The following CACNA1A variants were observed in gnomAD, a reference collection of about 807,000 sequenced individuals.
CACNA1A encodes voltage-dependent P/Q-type calcium channel subunit alpha-1A.
CACNA1A carries 57 observed loss-of-function variants against 262.4 expected under a neutral mutation model. The observed-to-expected ratio is 0.22, with a 90% CI of 0.18 to 0.27. The LOEUF is 0.27. Ranked by LOEUF, CACNA1A falls within the 10% of genes least tolerant of loss-of-function variation. The pLI is 1.00. For missense variants in CACNA1A, 2,526 were observed against 3,562.8 expected, an observed-to-expected ratio of 0.71 and a Z score of 7.41; for synonymous variants, 1,431 against 1,419.3, an observed-to-expected ratio of 1.01 and a Z score of -0.18.
Position 13,506,193 on chromosome 19 carries a change from C to A in CACNA1A, c.32G>T (p.Arg11Leu). The change falls in exon 1 of 47, where the codon CGC becomes CTC. Residue 11 changes from arginine to leucine, a missense_variant. Around this residue, in one of 17 missense-constraint regions of CACNA1A, gnomAD observed 65 missense variants for 75.6 expected, o/e 0.86. Transcript: ENST00000360228. ...TGCCCCGGAGCCTCCTCCCCCGTAG[C>A]GGGCCGGCATCTCGTCTCCGAAGCG... MARFGDEMPA[R>L]YGGGGSGAAA... The A allele has an allele frequency of 1.3e-6, 2 of 1,501,582 alleles. No individual in the cohort carries two copies. Among genetic ancestry groups the A allele is most frequent in the African/African-American group, 1.4e-5 (1 of 71,590 alleles). 93.0% of individuals were successfully genotyped at this position (1,501,582 alleles called of 1,614,324 possible).
At chr19:13,334,740 A>C (rs1400222046) in intron 7 of CACNA1A, among the ~76,000 whole-genome samples, 3 of 152,088 alleles carry the variant, frequency 2.0e-5, no homozygotes, top group East Asian at 3.8e-4. Flanking sequence ...AACTGTGCCT[A>C]GGTAAAGAAA....
chr19:13,221,284 A>G (rs1600107774), intron 38 of CACNA1A, among the ~76,000 whole-genome samples: 2 of 70,628 alleles, frequency 2.8e-5, no homozygotes, highest in Admixed American at 1.9e-4. Context: ...CCCAGGCTGG[A>G]GTGCAATGGT....
chr19:13,465,938 A>AC (rs1166566647), intron 1 of CACNA1A, among the ~76,000 whole-genome samples: 10 of 152,178 alleles, frequency 6.6e-5, no homozygotes, highest in African/African-American at 2.4e-4. Context: ...CCTGTTGACT[A>AC]CCTAGAATAG....
intron 3 of CACNA1A, among the ~76,000 whole-genome samples, chr19:13,395,651 C>T (rs947616580): frequency 2.6e-5 from 4 of 151,576 alleles, no homozygotes; most frequent in Non-Finnish European, 4.4e-5. Flanking sequence ...ATCTAACTTA[C>T]GTTATTTGAC....
chr19:13,453,032 G>T lies in CACNA1A; in HGVS notation c.400-17C>A, dbSNP rs951376880. 2.5e-6 allele frequency: 4 copies of T among 1,613,722 alleles called. No homozygotes were observed. Among genetic ancestry groups the T allele is most frequent in the Non-Finnish European group, 3.4e-6 (4 of 1,179,728 alleles). ...TGTGTCATCCTGGAAGGGAGAGAAG[G>T]CAAGGTCAGCGTCTTGGGCTGGGCA... is the stretch of plus-strand genomic sequence containing the variant. On this transcript the variant is annotated splice_polypyrimidine_tract_variant and intron_variant, in intron 2 of 46. Coordinates refer to ENST00000360228, the MANE Select transcript of CACNA1A (RefSeq NM_001127222.2).
Position 13,317,987 on chromosome 19 carries a change from GA to G in CACNA1A, c.1346-667del, listed in dbSNP as rs140756143. Among the ~76,000 whole-genome samples the G allele has an allele frequency of 5.0e-3, 763 of 151,564 alleles. 9 individuals are homozygous for G. The highest frequency in any genetic ancestry group is 0.017 in the African/African-American group (706 of 41,392). ...GGATGGAAAATGAAAAGTGCTATGG[GA>G]AAAAAAAAGTTGGGATGGGTGCAGT... On this transcript the variant is annotated intron_variant, in intron 10 of 46. Transcript: ENST00000360228.
chr19:13,397,301 A>C (rs1026824424), intron 3 of CACNA1A, among the ~76,000 whole-genome samples: 1 of 152,138 alleles, frequency 6.6e-6, no homozygotes, highest in African/African-American at 2.4e-5. Flanking sequence ...GGGGAGAGAC[A>C]TTCTTCCAGA....
intron 3 of CACNA1A, among the ~76,000 whole-genome samples, chr19:13,386,386 T>TC (rs1026265210): frequency 2.0e-5 from 3 of 152,122 alleles, no homozygotes; most frequent in Non-Finnish European, 4.4e-5. Context: ...AAGGATTTTT[T>TC]CCCCGTGAGA....
intron 3 of CACNA1A, among the ~76,000 whole-genome samples, chr19:13,406,741 G>A (rs1228734096): frequency 2.0e-5 from 3 of 151,118 alleles, no homozygotes; most frequent in Non-Finnish European, 4.4e-5. Context: ...CCTGTATTCT[G>A]GGCCATCACC....
Position 13,299,095 on chromosome 19 carries a change from G to C in CACNA1A, c.2538C>G (p.Asp846Glu), listed in dbSNP as rs2057735211. The C allele has an allele frequency of 1.9e-6, 3 of 1,611,628 alleles. No individual in the cohort carries two copies. In the South Asian group the frequency reaches 3.3e-5, roughly 18 times the overall value. The change falls in exon 19 of 47, where the codon GAC becomes GAG. Residue 846 changes from aspartate to glutamate, a missense_variant. By Grantham distance (45) the Asp-to-Glu change is conservative. Transcript: ENST00000360228. ...CGGCGCGCTGCTGGCCGAGGCGCTGGTCCACGGTGGGCTCGGCCGCCCGGC... is the reference window on the plus strand; with the variant it reads ...CGGCGCGCTGCTGGCCGAGGCGCTGCTCCACGGTGGGCTCGGCCGCCCGGC... ...NKSRAAEPTV[D>E]QRLGQQRAED...
chr19:13,250,723 A>T (rs1009167138), intron 30 of CACNA1A, among the ~76,000 whole-genome samples: 10 of 152,172 alleles, frequency 6.6e-5, no homozygotes, highest in Admixed American at 3.9e-4. Context: ...TGTGCTATGA[A>T]CCTTGGCCAT....
intron 24 of CACNA1A, among the ~76,000 whole-genome samples, chr19:13,268,717 A>C (rs2056934256): frequency 6.6e-6 from 1 of 152,062 alleles, no homozygotes; most frequent in African/African-American, 2.4e-5. Flanking sequence ...TACAGGTGTG[A>C]GCCACCGCGC....
chr19:13,368,117 C>G (rs1311338281), intron 4 of CACNA1A, among the ~76,000 whole-genome samples: 2 of 151,758 alleles, frequency 1.3e-5, no homozygotes, highest in Non-Finnish European at 2.9e-5. Context: ...GAGTTTGAGA[C>G]CAGCCTGAGC....
In CACNA1A at chr19:13,333,103, T is replaced by C. The variant is rs186477826; in HGVS notation, c.1199-178A>G. 3.8e-3 allele frequency among the ~76,000 whole-genome samples: 578 copies of C among 152,206 alleles called. 21 individuals are homozygous for C. The highest frequency in any genetic ancestry group is 0.037 in the Admixed American group (566 of 15,264). On this transcript the variant is annotated intron_variant, in intron 8 of 46. Coordinates refer to ENST00000360228, the MANE Select transcript of CACNA1A (RefSeq NM_001127222.2). Reference sequence around the variant, plus strand: ...ACTTCAAGCCCCACCTCCGCAACAGTAGCAATAGCCAACATTCTCCCCACC... The same window carrying C: ...ACTTCAAGCCCCACCTCCGCAACAGCAGCAATAGCCAACATTCTCCCCACC...
chr19:13,318,112 T>C (rs1217059823), intron 10 of CACNA1A, among the ~76,000 whole-genome samples: 1 of 144,332 alleles, frequency 6.9e-6, no homozygotes, highest in Non-Finnish European at 1.5e-5. Context: ...GCGAGACAAG[T>C]TCTTTTAAAT....
chr19:13,209,285 G>C, intron 45 of CACNA1A, 27 bp downstream of exon 45: 1 of 1,435,232 alleles, frequency 7.0e-7, no homozygotes, highest in Non-Finnish European at 9.1e-7. Flanking sequence ...TGTTCTGCTT[G>C]TCCCTGAGCA....
At position 13,212,827 on chromosome 19, in the gene CACNA1A, T is replaced by TACACACACACACACACAC. The variant is rs61178346; in HGVS notation, c.5941-105_5941-88dup. 3.7e-5 allele frequency: 19 copies of TACACACACACACACACAC among 518,304 alleles called. No individual in the cohort carries two copies. Among genetic ancestry groups the TACACACACACACACACAC allele is most frequent in the African/African-American group, 2.8e-4 (14 of 49,928 alleles). The allele number at this position is 518,304 out of a possible 1,614,324, so 32.1% of individuals were successfully genotyped here. Reference sequence around the variant, plus strand: ...AGAAGGCATTGCGACATCCCCAGTATACACACACACACACACACACACTCT... The same window carrying TACACACACACACACACAC: ...AGAAGGCATTGCGACATCCCCAGTATACACACACACACACACACACACACACACACACACACACACTCT... On this transcript the variant is annotated intron_variant, in intron 40 of 46. Transcript: ENST00000360228. The surrounding 1 kb of genome is among the most constrained non-coding windows in gnomAD (Gnocchi z 5.6).
chr19:13,255,872 CTTCCTTCT>C (rs2056550984), intron 28 of CACNA1A, among the ~76,000 whole-genome samples: 1 of 142,870 alleles, frequency 7.0e-6, no homozygotes, highest in Admixed American at 7.1e-5. Flanking sequence ...TTTCTCTCTT[CTTCCTTCT>C]TTCCTTCGCT....
chr19:13,376,899 G>T (rs889663359), intron 3 of CACNA1A, among the ~76,000 whole-genome samples: 5 of 143,610 alleles, frequency 3.5e-5, no homozygotes, highest in Non-Finnish European at 7.6e-5. Context: ...TGTTATATGT[G>T]ATATATAATT....
Sources: allele counts gnomAD v4.1 joint callset (sites outside exome capture counted in the v4.1 genomes callset), GRCh38; gene constraint gnomAD v4.1.1; regional missense constraint gnomAD v4.1.1; non-coding constraint Gnocchi (gnomAD v3.1); transcripts MANE v1.5; gene names NCBI Gene and HGNC (gene_info 2026-07-23, HGNC 2026-07-21).